DOCK4: variants seen among roughly 807,000 people sequenced by gnomAD.
The protein encoded by DOCK4 is dedicator of cytokinesis 4, also known as dedicator of cytokinesis protein 4.
A neutral mutation model predicts 268.1 loss-of-function variants in DOCK4; 97 were observed. The observed-to-expected ratio is 0.36, with a 90% CI of 0.31 to 0.43. The LOEUF (loss-of-function observed/expected upper bound fraction) is 0.43, where lower values mean the gene tolerates loss of function less well. Among genes scored for constraint, DOCK4 ranks in the 20% least tolerant of loss-of-function variants. The pLI is 1.00. For synonymous variants in DOCK4, 954 were observed against 887.2 expected (o/e 1.08, Z -1.34); for missense variants, 2,145 against 2,455.7 (o/e 0.87, Z 2.67).
At chr7:111,855,974 A>G (rs915566290) in intron 23 of DOCK4, among the ~76,000 whole-genome samples, 1 of 152,182 alleles carries the variant, frequency 6.6e-6, no homozygotes, top group Non-Finnish European at 1.5e-5. Context: ...TTCAGGTTTA[A>G]ACACAGCTTA....
intron 1 of DOCK4, among the ~76,000 whole-genome samples, chr7:112,198,351 T>C (rs974495681): frequency 2.0e-5 from 3 of 152,198 alleles, no homozygotes; most frequent in Admixed American, 2.0e-4. Flanking sequence ...TTGGACTTCC[T>C]AGCCTGCGGA....
chr7:112,132,502 T>C (rs1171422021), intron 1 of DOCK4, among the ~76,000 whole-genome samples: 1 of 152,004 alleles, frequency 6.6e-6, no homozygotes, highest in African/African-American at 2.4e-5. Context: ...AGATGATATC[T>C]AGAAACAACA....
rs1362081350 is a variant in DOCK4 at position 111,809,434 on chromosome 7, G to A, written c.3007-33C>T. 5 of 1,503,336 alleles carry A rather than the reference G, an allele frequency of 3.3e-6. No homozygotes were observed. In the African/African-American group the frequency reaches 6.9e-5, roughly 21 times the overall value. 93.1% of individuals were successfully genotyped at this position (1,503,336 alleles called of 1,614,324 possible). ...AAGAACAAGATATATCAATACTATG[G>A]TGTTACAAGCATATTGACAGGTGAA... On this transcript the variant is annotated intron_variant, in intron 28 of 52. Coordinates refer to ENST00000428084, the MANE Select transcript of DOCK4 (RefSeq NM_001363540.2).
chr7:111,834,691 G>GT lies in DOCK4; in HGVS notation c.2737-6dup. On this transcript the variant is annotated splice_region_variant and splice_polypyrimidine_tract_variant and intron_variant, in intron 25 of 52. Transcript: ENST00000428084. Reference sequence around the variant, plus strand: ...GAGACAAGCAACAAACTCCCCCTAAGTTAAAAAAAAAAAAAGCATACATTT... The same window carrying GT: ...GAGACAAGCAACAAACTCCCCCTAAGTTTAAAAAAAAAAAAAGCATACATTT... 1.4e-6 allele frequency: 2 copies of GT among 1,398,856 alleles called. No individual in the cohort carries two copies. Among genetic ancestry groups the GT allele is most frequent in the Non-Finnish European group, 1.9e-6 (2 of 1,048,922 alleles). 86.7% of individuals were successfully genotyped at this position (1,398,856 alleles called of 1,614,324 possible).
chr7:112,206,378 G>T lies in DOCK4; in HGVS notation c.-240C>A. ...TCCGACGCGCTCCCGGGTACCCGGCGGCGCAGTCATTGTTCTGATTCACTG... is the reference window on the plus strand; with the variant it reads ...TCCGACGCGCTCCCGGGTACCCGGCTGCGCAGTCATTGTTCTGATTCACTG... On this transcript the variant is annotated 5_prime_UTR_variant, in exon 1 of 53. Coordinates refer to ENST00000428084, the MANE Select transcript of DOCK4 (RefSeq NM_001363540.2). 1 of 583,482 alleles carries T rather than the reference G, an allele frequency of 1.7e-6. No individual in the cohort carries two copies. Among genetic ancestry groups the T allele is most frequent in the South Asian group, 2.1e-5 (1 of 48,352 alleles). The allele number at this position is 583,482 out of a possible 1,614,324, so 36.1% of individuals were successfully genotyped here.
chr7:112,206,198 C>G lies in DOCK4; in HGVS notation c.-60G>C. On this transcript the variant is annotated 5_prime_UTR_variant, in exon 1 of 53. Coordinates refer to ENST00000428084, the MANE Select transcript of DOCK4 (RefSeq NM_001363540.2). ...ATCCCCGCGCCCCTTCTCCGGCTCA[C>G]AACAATGCACAGTCCCCGAGCAGCG... The G allele has an allele frequency of 6.6e-7, 1 of 1,515,596 alleles. No individual in the cohort carries two copies. Among genetic ancestry groups the G allele is most frequent in the Non-Finnish European group, 9.0e-7 (1 of 1,114,182 alleles). 93.9% of individuals were successfully genotyped at this position (1,515,596 alleles called of 1,614,324 possible).
At chr7:111,826,151 T>A (rs1010502411) in intron 26 of DOCK4, among the ~76,000 whole-genome samples, 1 of 152,138 alleles carries the variant, frequency 6.6e-6, no homozygotes, top group African/African-American at 2.4e-5. Flanking sequence ...GATACATGTA[T>A]GCTTTGAAAA....
Position 111,728,289 on chromosome 7 carries a change from C to T in DOCK4, c.5913G>A (p.Lys1971=), listed in dbSNP as rs1243762203. The T allele has an allele frequency of 1.3e-6, 2 of 1,496,898 alleles. No homozygotes were observed. The highest frequency in any genetic ancestry group is 4.7e-5 in the Admixed American group (2 of 42,624). 92.7% of individuals were successfully genotyped at this position (1,496,898 alleles called of 1,614,324 possible). A position where few individuals can be genotyped will look rare whatever the true frequency, so the allele number is the denominator to read the frequency against. The change falls in exon 53 of 53, where the codon AAG becomes AAA. Residue 1971 remains lysine, a synonymous_variant. Coordinates refer to ENST00000428084, the MANE Select transcript of DOCK4 (RefSeq NM_001363540.2). ...GAAAAGTGACTTATAACTGAGAGAC[C>T]TTGCGGGGCAGGGGCCTGGGCCGCG... ...PGPRPRPLPR[K]VSQL is the part of the protein sequence containing the mutation.
intron 1 of DOCK4, among the ~76,000 whole-genome samples, chr7:112,033,252 A>G (rs1412783661): frequency 1.3e-5 from 2 of 152,184 alleles, no homozygotes; most frequent in Non-Finnish European, 2.9e-5. Context: ...AAAAACAAAT[A>G]CAAAAATAAT....
At chr7:112,195,900 C>T (rs1353243958) in intron 1 of DOCK4, among the ~76,000 whole-genome samples, 1 of 152,162 alleles carries the variant, frequency 6.6e-6, no homozygotes, top group Non-Finnish European at 1.5e-5. Flanking sequence ...GAAGGGTTCT[C>T]ACCAACCACC....
intron 1 of DOCK4, among the ~76,000 whole-genome samples, chr7:112,178,305 T>A (rs760129109): frequency 4.6e-5 from 7 of 152,204 alleles, no homozygotes; most frequent in Non-Finnish European, 8.8e-5. Flanking sequence ...TTCTTCTTAT[T>A]CAATTTTTAA....
At chr7:111,926,311 G>C (rs1255404657) in intron 12 of DOCK4, among the ~76,000 whole-genome samples, 2 of 145,792 alleles carry the variant, frequency 1.4e-5, no homozygotes, top group African/African-American at 5.3e-5. Context: ...GCCGCCTGTA[G>C]TTCCAGCTAT....
rs763682163 is a variant in DOCK4 at position 111,984,408 on chromosome 7, A to T, written c.465-18T>A. On this transcript the variant is annotated intron_variant, in intron 6 of 52. Transcript: ENST00000428084. ...CCAGTTGTCTAGAAAACAAATTGCA[A>T]AAGTTTGGGGGAAAAGTTACCTCCA... 2.5e-6 allele frequency: 4 copies of T among 1,604,744 alleles called. No homozygotes were observed. The highest frequency in any genetic ancestry group is 3.4e-6 in the Non-Finnish European group (4 of 1,175,618).
At chr7:112,032,553 T>G (rs537036594) in intron 1 of DOCK4, among the ~76,000 whole-genome samples, 1 of 152,136 alleles carries the variant, frequency 6.6e-6, no homozygotes, top group East Asian at 1.9e-4. Context: ...AAGGAACCAA[T>G]GAAGGATCTG....
intron 5 of DOCK4, among the ~76,000 whole-genome samples, chr7:111,991,893 G>A (rs569543196): frequency 7.4e-5 from 11 of 148,842 alleles, no homozygotes; most frequent in South Asian, 6.5e-4. Context: ...CCCAGAAGGC[G>A]GAGCTTGCAG....
At position 111,984,302 on chromosome 7, in the gene DOCK4, C is replaced by T; in HGVS notation, c.549+4G>A. Reference sequence around the variant, plus strand: ...GACTGGAAGCCAAGATTTCCTGTACCTACCAATCGGTAGAGCTCAGTAATG... The same window carrying T: ...GACTGGAAGCCAAGATTTCCTGTACTTACCAATCGGTAGAGCTCAGTAATG... On this transcript the variant is annotated splice_donor_region_variant and intron_variant, in intron 7 of 52. Coordinates refer to ENST00000428084, the MANE Select transcript of DOCK4 (RefSeq NM_001363540.2). 6.2e-7 allele frequency: 1 copy of T among 1,609,600 alleles called. No homozygotes were observed. The highest frequency in any genetic ancestry group is 8.5e-7 in the Non-Finnish European group (1 of 1,178,002).
intron 30 of DOCK4, among the ~76,000 whole-genome samples, chr7:111,796,021 C>A (rs1195574072): frequency 6.6e-6 from 1 of 152,144 alleles, no homozygotes; most frequent in Non-Finnish European, 1.5e-5. Context: ...ATCTTGAGTG[C>A]CCTAGAGGAC....
At chr7:111,977,014 GA>G in intron 8 of DOCK4, 117 bp downstream of exon 8, 1 of 1,233,342 alleles carries the variant, frequency 8.1e-7, no homozygotes. Flanking sequence ...CTACTGGTGA[GA>G]AAATTGAAGC....
At chr7:112,082,781 T>C (rs1018473560) in intron 1 of DOCK4, among the ~76,000 whole-genome samples, 1 of 152,176 alleles carries the variant, frequency 6.6e-6, no homozygotes, top group Non-Finnish European at 1.5e-5. Context: ...CTGAGACATT[T>C]TATATCAGAA....
Sources: gnomAD v4.1 joint callset for allele counts (sites outside exome capture counted in the v4.1 genomes callset) on GRCh38, gnomAD v4.1.1 for gene constraint, MANE v1.5 for transcripts, NCBI Gene and HGNC (gene_info 2026-07-23, HGNC 2026-07-21) for gene names.